Variants in CRYBA1 observed in about 807,000 individuals in gnomAD.
The protein encoded by CRYBA1 is crystallin beta A1.
CRYBA1 carries 25 observed loss-of-function variants against 36.2 expected under a neutral mutation model. That is an observed-to-expected ratio of 0.69 (90% CI 0.50 to 0.97). CRYBA1 has a LOEUF of 0.97. Ranked by LOEUF, CRYBA1 falls within the 50% of genes least tolerant of loss-of-function variation. The pLI is 0.00. For synonymous variants in CRYBA1, 111 were observed against 90.0 expected, an observed-to-expected ratio of 1.23 and a Z score of -1.32; for missense variants, 224 against 276.3, an observed-to-expected ratio of 0.81 and a Z score of 1.34.
Position 29,249,195 on chromosome 17 carries a change from G to T in CRYBA1, c.85G>T (p.Gly29Trp). ...AQTNPTPGSL[G>W]PWKITIYDQE... is the part of the protein sequence containing the mutation. ...GACCAACCCTACGCCGGGGTCCCTGGGGCCATGGAAGGTAAGCCCACCCCC... is the reference window on the plus strand; with the variant it reads ...GACCAACCCTACGCCGGGGTCCCTGTGGCCATGGAAGGTAAGCCCACCCCC... Residue 29 changes from glycine (G) to tryptophan (W), a missense_variant, in exon 2 of 6, where the codon GGG becomes TGG. Gly to Trp is a radical substitution (Grantham distance 184). Coordinates refer to ENST00000225387, the MANE Select transcript of CRYBA1 (RefSeq NM_005208.5). 1 of 1,611,936 alleles carries T rather than the reference G, an allele frequency of 6.2e-7. No individual in the cohort carries two copies. The highest frequency in any genetic ancestry group is 8.5e-7 in the Non-Finnish European group (1 of 1,178,156).
chr17:29,251,487 G>GA (rs148025725), intron 3 of CRYBA1, among the ~76,000 whole-genome samples: 6 of 149,492 alleles, frequency 4.0e-5, no homozygotes, highest in Admixed American at 1.3e-4. Context: ...TGGAGAAAAA[G>GA]AAAAAAAAAT....
intron 3 of CRYBA1, 63 bp from the exon 4 acceptor site, chr17:29,252,001 G>A: frequency 6.2e-7 from 1 of 1,610,690 alleles, no homozygotes; most frequent in Non-Finnish European, 8.5e-7. Flanking sequence ...AACGAAAGAT[G>A]CCTTCTCCCC....
rs527468370 is a variant in CRYBA1, at chr17:29,254,336, G to A, written c.635G>A (p.Arg212Gln). Residue 212 changes from arginine to glutamine, a missense_variant, in exon 6 of 6, where the codon CGA becomes CAA. By Grantham distance (43) the Arg-to-Gln change is conservative. Coordinates refer to ENST00000225387, the MANE Select transcript of CRYBA1 (RefSeq NM_005208.5). ...ACTTCGCAGATCCAATCGATTCGCC[G>A]AATCCAACAGTAGCTGATTAAAAGC... ...AQTSQIQSIR[R>Q]IQQ 6.2e-6 allele frequency: 10 copies of A among 1,613,958 alleles called. No individual in the cohort carries two copies. Among genetic ancestry groups the A allele is most frequent in the Admixed American group, 1.7e-5 (1 of 59,994 alleles).
rs1256009113 is a variant in CRYBA1, at chr17:29,246,883, A to C, written c.20A>C (p.Gln7Pro). The change falls in exon 1 of 6, where the codon CAG becomes CCG. Residue 7 changes from glutamine to proline, a missense_variant. Gln to Pro is a moderately conservative substitution (Grantham distance 76, BLOSUM62 -1). Coordinates refer to ENST00000225387, the MANE Select transcript of CRYBA1 (RefSeq NM_005208.5). METQAE[Q>P]QELETLPTTK... ...TACCAGATGGAGACCCAGGCTGAGCAGCAGGAGCTGGGTGAGTAAGGCCCT... is the reference window on the plus strand; with the variant it reads ...TACCAGATGGAGACCCAGGCTGAGCCGCAGGAGCTGGGTGAGTAAGGCCCT... The C allele has an allele frequency of 6.2e-7, 1 of 1,612,390 alleles. No individual in the cohort carries two copies. Among genetic ancestry groups the C allele is most frequent in the South Asian group, 1.1e-5 (1 of 90,640 alleles).
At chr17:29,249,353 G>T (rs1270289480) in intron 2 of CRYBA1, 147 bp downstream of exon 2, 3 of 630,588 alleles carry the variant, frequency 4.8e-6, no homozygotes, top group Admixed American at 5.3e-5. Flanking sequence ...CAGTGCTGTC[G>T]AAGGAAGGAT....
intron 4 of CRYBA1, 110 bp from the exon 5 acceptor site, chr17:29,253,530 T>C: frequency 1.1e-6 from 1 of 890,900 alleles, no homozygotes; most frequent in Non-Finnish European, 1.7e-6. Context: ...TCTTTTTAAA[T>C]TATCATGTGC....
In CRYBA1 at chr17:29,254,408, AGAAT is replaced by A; in HGVS notation, c.*60_*63del. On this transcript the variant is annotated 3_prime_UTR_variant, in exon 6 of 6. Transcript: ENST00000225387. Reference sequence around the variant, plus strand: ...AGCATGAGACCTTGCTAAGCACTCTAGAATAAGTTTTATGTTCTGCTCACAGACA... The same window carrying A: ...AGCATGAGACCTTGCTAAGCACTCTAAAGTTTTATGTTCTGCTCACAGACA... 6.4e-7 allele frequency: 1 copy of A among 1,567,438 alleles called. No homozygotes were observed. The highest frequency in any genetic ancestry group is 8.8e-7 in the Non-Finnish European group (1 of 1,137,922).
chr17:29,250,415 G>A (rs555683228), intron 3 of CRYBA1, 115 bp downstream of exon 3: 19 of 773,220 alleles, frequency 2.5e-5, no homozygotes, highest in Middle Eastern at 3.6e-4. Context: ...GTCATTTCTC[G>A]GAGACAGGCC....
Position 29,254,237 on chromosome 17 carries a change from A to AT in CRYBA1, c.537dup (p.Gln180SerfsTer7). On this transcript the variant is annotated frameshift_variant, in exon 6 of 6. Transcript: ENST00000225387. LOFTEE classifies it high-confidence loss of function. ...TACCAATATCCTGGATATCGTGGGT[A>AT]TCAGTATATCTTGGAATGTGACCAT... 6.2e-7 allele frequency: 1 copy of AT among 1,614,152 alleles called. No homozygotes were observed. The highest frequency in any genetic ancestry group is 8.5e-7 in the Non-Finnish European group (1 of 1,179,994).
intron 4 of CRYBA1, among the ~76,000 whole-genome samples, chr17:29,253,276 C>G (rs1450599407): frequency 2.0e-5 from 3 of 152,234 alleles, no homozygotes; most frequent in Non-Finnish European, 2.9e-5. Flanking sequence ...CACACATACA[C>G]ACGCAAGCGC....
chr17:29,247,958 A>T (rs548592532), intron 1 of CRYBA1, among the ~76,000 whole-genome samples: 14 of 152,274 alleles, frequency 9.2e-5, no homozygotes, highest in Middle Eastern at 3.4e-3. Context: ...CTCTACTAAA[A>T]ATACAAAATT....
At chr17:29,248,592 C>T (rs1033385934) in intron 1 of CRYBA1, among the ~76,000 whole-genome samples, 16 of 151,588 alleles carry the variant, frequency 1.1e-4, no homozygotes, top group Non-Finnish European at 1.9e-4. Flanking sequence ...CTCAAACTCC[C>T]GACCTCAGGT....
intron 1 of CRYBA1, 50 bp downstream of exon 1, chr17:29,246,944 G>A: frequency 2.5e-6 from 4 of 1,575,192 alleles, no homozygotes; most frequent in South Asian, 1.2e-5. Flanking sequence ...TTGCCCTGCA[G>A]AGACATGCCC....
In CRYBA1 at chr17:29,252,169, T is replaced by G. The variant is rs1302539091; in HGVS notation, c.321T>G (p.Ile107Met). The change falls in exon 4 of 6, where the codon ATT becomes ATG. Residue 107 changes from isoleucine to methionine, a missense_variant. Transcript: ENST00000225387. ...GGAGTGGGAGTAATGCCTACCACAT[T>G]GAGCGTCTCATGTCCTTCCGCCCCA... ...DAWSGSNAYHIERLMSFRPIC... is the reference protein window; with the variant it reads ...DAWSGSNAYHMERLMSFRPIC... The G allele has an allele frequency of 6.2e-7, 1 of 1,614,042 alleles. No individual in the cohort carries two copies. The highest frequency in any genetic ancestry group is 8.5e-7 in the Non-Finnish European group (1 of 1,180,032).
chr17:29,246,928 C>T (rs772123294), intron 1 of CRYBA1, 34 bp downstream of exon 1: 94 of 1,593,878 alleles, frequency 5.9e-5, no homozygotes, highest in Non-Finnish European at 7.7e-5. Flanking sequence ...CTTGCCCTTC[C>T]TCTCCTTGCC....
At position 29,253,599 on chromosome 17, in the gene CRYBA1, G is replaced by A. The variant is rs543832440; in HGVS notation, c.358-41G>A. 5.3e-6 allele frequency: 8 copies of A among 1,520,588 alleles called. No individual in the cohort carries two copies. In the African/African-American group the frequency reaches 1.1e-4, roughly 21 times the overall value. The allele number at this position is 1,520,588 out of a possible 1,614,324, so 94.2% of individuals were successfully genotyped here. A position where few individuals can be genotyped will look rare whatever the true frequency, so the allele number is the denominator to read the frequency against. ...AAAAACATGAAGAATGATAGCCATA[G>A]CACTAGTACTAAACATTTTAAAACA... On this transcript the variant is annotated intron_variant, in intron 4 of 5. Transcript: ENST00000225387.
In CRYBA1 at chr17:29,254,412, T is replaced by TA; in HGVS notation, c.*65dup. The stretch of plus-strand genomic sequence containing the variant: ...TGAGACCTTGCTAAGCACTCTAGAA[T>TA]AAGTTTTATGTTCTGCTCACAGACA... On this transcript the variant is annotated 3_prime_UTR_variant, in exon 6 of 6. Coordinates refer to ENST00000225387, the MANE Select transcript of CRYBA1 (RefSeq NM_005208.5). The TA allele has an allele frequency of 1.9e-6, 3 of 1,548,846 alleles. No homozygotes were observed. The African/African-American group carries it at 4.1e-5, about 21-fold the overall frequency.
intron 2 of CRYBA1, 88 bp downstream of exon 2, chr17:29,249,294 G>T: frequency 1.1e-6 from 1 of 922,462 alleles, no homozygotes; most frequent in South Asian, 1.3e-5. Context: ...ATAAGGCAGT[G>T]ACTGACCAGA....
In CRYBA1 at chr17:29,252,069, T is replaced by C. The variant is rs747911163; in HGVS notation, c.221T>C (p.Ile74Thr). 2.0e-5 allele frequency: 33 copies of C among 1,614,018 alleles called. No individual in the cohort carries two copies. The highest frequency in any genetic ancestry group is 1.0e-4 in the Admixed American group (6 of 59,992). ...ACACTACATGTCTTTGGCAGCTGGA[T>C]TGGTTATGAGCATACCAGCTTCTGT... ...RSLKVESGAW[I>T]GYEHTSFCGQ... Residue 74 changes from isoleucine (I) to threonine (T), a missense_variant, in exon 4 of 6, where the codon ATT (isoleucine) becomes ACT (threonine). Coordinates refer to ENST00000225387, the MANE Select transcript of CRYBA1 (RefSeq NM_005208.5).
Sources: gnomAD v4.1 joint callset for allele counts (sites outside exome capture counted in the v4.1 genomes callset) on GRCh38, gnomAD v4.1.1 for gene constraint, MANE v1.5 for transcripts, NCBI Gene and HGNC (gene_info 2026-07-23, HGNC 2026-07-21) for gene names.